The following VCF1 variants were observed in gnomAD, a reference collection of about 807,000 sequenced individuals.
VCF1 encodes VCP nuclear cofactor family member 1.
chr17:73,208,138 C>A, the VCF1 span: 1 of 1,495,868 alleles, frequency 6.7e-7, no homozygotes, highest in Non-Finnish European at 8.9e-7. Context: ...AAGGCTCATG[C>A]TGTTCCGTGT....
the VCF1 span, among the ~76,000 whole-genome samples, chr17:73,217,878 A>C: frequency 6.6e-6 from 1 of 152,034 alleles, no homozygotes; most frequent in Non-Finnish European, 1.5e-5. Context: ...AGGCTGAGGC[A>C]GGAGAATTGC....
the VCF1 span, among the ~76,000 whole-genome samples, chr17:73,218,766 T>A: frequency 6.6e-6 from 1 of 151,932 alleles, no homozygotes; most frequent in Non-Finnish European, 1.5e-5. Context: ...ACGCCTGTAA[T>A]CCCACCACTT....
the VCF1 span, chr17:73,227,022 G>A: frequency 1.7e-6 from 1 of 581,976 alleles, no homozygotes; most frequent in Admixed American, 3.9e-5. Context: ...AAGGGACCCT[G>A]ATTTGGAAAC....
the VCF1 span, among the ~76,000 whole-genome samples, chr17:73,217,211 G>A: frequency 6.6e-6 from 1 of 152,034 alleles, no homozygotes; most frequent in Non-Finnish European, 1.5e-5. Flanking sequence ...AAATTAGCCA[G>A]CCATAATGGC....
At chr17:73,209,655 G>C in the VCF1 span, 1 of 1,553,320 alleles carries the variant, frequency 6.4e-7, no homozygotes, top group Non-Finnish European at 8.7e-7. Context: ...GCGTGTTAGG[G>C]CTGGATCCGG....
the VCF1 span, among the ~76,000 whole-genome samples, chr17:73,218,182 G>C: frequency 6.6e-6 from 1 of 152,152 alleles, no homozygotes; most frequent in African/African-American, 2.4e-5. Context: ...TGCAAGAGAT[G>C]ATCCCAGCCA....
the VCF1 span, among the ~76,000 whole-genome samples, chr17:73,220,935 G>T: frequency 0.48 from 60,517 of 127,344 alleles, 14,641 homozygotes; most frequent in East Asian, 0.62. Context: ...GTCTCGCTCT[G>T]TCGCCCAGTC....
chr17:73,229,876 A>G, the VCF1 span, among the ~76,000 whole-genome samples: 1 of 147,942 alleles, frequency 6.8e-6, no homozygotes, highest in Non-Finnish European at 1.5e-5. Context: ...TCAAAAAAAA[A>G]AAAAAAAAAA....
the VCF1 span, among the ~76,000 whole-genome samples, chr17:73,231,539 G>A: frequency 1.2e-4 from 18 of 152,338 alleles, no homozygotes; most frequent in African/African-American, 4.3e-4. Context: ...TAATGCCACA[G>A]TCAAGAGAAG....
chr17:73,217,787 C>T, the VCF1 span, among the ~76,000 whole-genome samples: 735 of 152,128 alleles, frequency 4.8e-3, 13 homozygotes, highest in East Asian at 0.024. Context: ...GCCTGGGCAA[C>T]ATGGTGAAAA....
chr17:73,211,964 G>A, the VCF1 span, among the ~76,000 whole-genome samples: 7 of 152,286 alleles, frequency 4.6e-5, no homozygotes, highest in African/African-American at 9.6e-5. Flanking sequence ...CTCGGAGGTC[G>A]AGGTGGCAGT....
the VCF1 span, chr17:73,207,539 G>C: frequency 8.2e-6 from 5 of 609,322 alleles, no homozygotes; most frequent in East Asian, 3.9e-5. Context: ...TAGGGTGAAA[G>C]AGTTAACTGC....
the VCF1 span, among the ~76,000 whole-genome samples, chr17:73,222,530 C>G: frequency 1.3e-5 from 2 of 152,096 alleles, no homozygotes; most frequent in African/African-American, 4.8e-5. Flanking sequence ...ATAATCCCAG[C>G]ACTTTGGAAG....
chr17:73,226,269 C>T, the VCF1 span, among the ~76,000 whole-genome samples: 1 of 152,210 alleles, frequency 6.6e-6, no homozygotes, highest in African/African-American at 2.4e-5. Context: ...TTCTACTCTG[C>T]ACTTGTTCAC....
the VCF1 span, among the ~76,000 whole-genome samples, chr17:73,218,717 T>G: frequency 6.6e-6 from 1 of 152,152 alleles, no homozygotes; most frequent in African/African-American, 2.4e-5. Flanking sequence ...AAACCCCGTC[T>G]CTACTAAAAA....
At chr17:73,218,434 G>A in the VCF1 span, among the ~76,000 whole-genome samples, 3 of 152,138 alleles carry the variant, frequency 2.0e-5, no homozygotes, top group Non-Finnish European at 4.4e-5. Context: ...ACCACACAAT[G>A]TGTTTAAAGT....
the VCF1 span, chr17:73,212,596 A>G: frequency 2.6e-6 from 3 of 1,160,472 alleles, no homozygotes; most frequent in Non-Finnish European, 3.7e-6. Flanking sequence ...CTAACCTAGT[A>G]TAACAATGTA....
chr17:73,220,633 C>T, the VCF1 span, among the ~76,000 whole-genome samples: 10 of 150,890 alleles, frequency 6.6e-5, no homozygotes, highest in African/African-American at 2.2e-4. Context: ...TTAGTAGAGA[C>T]GGGGTTTCAC....
chr17:73,208,501 T>C, the VCF1 span: 1 of 1,591,798 alleles, frequency 6.3e-7, no homozygotes, highest in Non-Finnish European at 8.6e-7. Context: ...ACATTATTTC[T>C]TCTAAAGGTG....
Sources: allele counts gnomAD v4.1 joint callset (sites outside exome capture counted in the v4.1 genomes callset), GRCh38; gene constraint gnomAD v4.1.1; transcripts MANE v1.5; gene names NCBI Gene and HGNC (gene_info 2026-07-23, HGNC 2026-07-21).